Variants in RHOA observed in about 807,000 individuals in gnomAD.
RHOA encodes the protein transforming protein RhoA.
Under a neutral mutation model 17.5 loss-of-function variants are expected in RHOA, and 3 were observed. The ratio of observed to expected loss-of-function variants is 0.17; its 90% confidence interval spans 0.08 to 0.44. The LOEUF (loss-of-function observed/expected upper bound fraction) is 0.44. Among genes scored for constraint, RHOA ranks in the 20% least tolerant of loss-of-function variants. The probability of loss-of-function intolerance (pLI) is 0.99; values close to 1 mark genes in which losing one functional copy is unlikely to be tolerated. For missense variants in RHOA, 56 were observed against 242.3 expected (o/e 0.23, Z 5.10); for synonymous variants, 98 against 88.4 (o/e 1.11, Z -0.61).
chr3:49,376,562 G>A (rs980691128), intron 1 of RHOA, among the ~76,000 whole-genome samples: 3 of 145,634 alleles, frequency 2.1e-5, no homozygotes, highest in Non-Finnish European at 4.5e-5. Flanking sequence ...AGAATGGCGT[G>A]AACCCAGGAG....
intron 1 of RHOA, among the ~76,000 whole-genome samples, chr3:49,390,091 C>G (rs538439941): frequency 6.6e-6 from 1 of 152,078 alleles, no homozygotes; most frequent in East Asian, 1.9e-4. Context: ...CTATAATACC[C>G]ACAGACTGTG....
At chr3:49,393,905 C>CT (rs2048568405) in intron 1 of RHOA, among the ~76,000 whole-genome samples, 1 of 149,750 alleles carries the variant, frequency 6.7e-6, no homozygotes, top group South Asian at 2.1e-4. Context: ...GGAGTCTCCT[C>CT]TGTTGCCCAG....
At chr3:49,398,720 G>A (rs2048661693) in intron 1 of RHOA, among the ~76,000 whole-genome samples, 1 of 150,700 alleles carries the variant, frequency 6.6e-6, no homozygotes, top group Non-Finnish European at 1.5e-5. Flanking sequence ...GGCACCTGTA[G>A]TCCTAGCTAC....
chr3:49,360,467 A>T, intron 4 of RHOA, 85 bp from the exon 5 acceptor site: 1 of 1,419,668 alleles, frequency 7.0e-7, no homozygotes, highest in Non-Finnish European at 9.4e-7. Context: ...CATCTAAAAG[A>T]TTTTTTTTTC....
chr3:49,390,607 G>C (rs1049737211), intron 1 of RHOA, among the ~76,000 whole-genome samples: 1 of 152,132 alleles, frequency 6.6e-6, no homozygotes, highest in African/African-American at 2.4e-5. Context: ...ATGCTAGCCA[G>C]TTTGAACCAG....
chr3:49,401,643 A>G (rs898461830), intron 1 of RHOA, among the ~76,000 whole-genome samples: 3 of 152,052 alleles, frequency 2.0e-5, no homozygotes, highest in Non-Finnish European at 4.4e-5. Flanking sequence ...GAAATTCCTG[A>G]TGAAAGGGCC....
chr3:49,408,253 T>TATATATACGTATACACGTATATGTACAC (rs2048871435), intron 1 of RHOA, among the ~76,000 whole-genome samples: 1 of 120,546 alleles, frequency 8.3e-6, no homozygotes, highest in African/African-American at 2.7e-5. Flanking sequence ...TATGTACACA[T>TATATATACGTATACACGTATATGTACAC]ATATATACGT....
intron 1 of RHOA, among the ~76,000 whole-genome samples, chr3:49,387,347 G>A (rs1419522933): frequency 6.6e-6 from 1 of 151,148 alleles, no homozygotes; most frequent in Admixed American, 6.6e-5. Flanking sequence ...GGGAGGCTGA[G>A]GCAGGAAAAT....
At chr3:49,381,414 A>C (rs1406449932) in intron 1 of RHOA, among the ~76,000 whole-genome samples, 1 of 151,918 alleles carries the variant, frequency 6.6e-6, no homozygotes, top group Non-Finnish European at 1.5e-5. Flanking sequence ...TCAAAAAAAA[A>C]AAAAAAGTTA....
chr3:49,394,258 C>T (rs764663415), intron 1 of RHOA, among the ~76,000 whole-genome samples: 1 of 152,168 alleles, frequency 6.6e-6, no homozygotes, highest in Non-Finnish European at 1.5e-5. Context: ...CCTGCCTCAG[C>T]CTCCCGAAGT....
At chr3:49,408,118 T>A (rs1175636981) in intron 1 of RHOA, among the ~76,000 whole-genome samples, 1 of 151,106 alleles carries the variant, frequency 6.6e-6, no homozygotes, top group Non-Finnish European at 1.5e-5. Context: ...GAGATGGCGC[T>A]ACTGCACTCT....
intron 2 of RHOA, among the ~76,000 whole-genome samples, chr3:49,370,387 G>A (rs2048130694): frequency 6.6e-6 from 1 of 152,186 alleles, no homozygotes; most frequent in South Asian, 2.1e-4. Flanking sequence ...GCAGACAGGA[G>A]GGAAGAAATC....
chr3:49,395,809 T>G (rs2048605991), intron 1 of RHOA, among the ~76,000 whole-genome samples: 2 of 152,044 alleles, frequency 1.3e-5, no homozygotes. Context: ...GGCAAGGGTA[T>G]GAGGGTGCCC....
At chr3:49,380,067 C>A (rs2048292596) in intron 1 of RHOA, among the ~76,000 whole-genome samples, 1 of 152,164 alleles carries the variant, frequency 6.6e-6, no homozygotes, top group Non-Finnish European at 1.5e-5. Flanking sequence ...GAGACATGGC[C>A]ATGTACCATG....
intron 1 of RHOA, among the ~76,000 whole-genome samples, chr3:49,409,745 T>G (rs939542674): frequency 6.6e-6 from 1 of 152,222 alleles, no homozygotes; most frequent in Admixed American, 6.6e-5. Flanking sequence ...TAAAAAGCAG[T>G]TAACTGACAA....
At position 49,362,508 on chromosome 3, in the gene RHOA, G is replaced by C. The variant is rs2047988599; in HGVS notation, c.396C>G (p.Ala132=). 1 of 1,611,538 alleles carries C rather than the reference G, an allele frequency of 6.2e-7. No homozygotes were observed. The highest frequency in any genetic ancestry group is 8.5e-7 in the Non-Finnish European group (1 of 1,178,732). Residue 132 remains alanine, a synonymous_variant, in exon 4 of 5, where the codon GCC becomes GCG. Coordinates refer to ENST00000418115, the MANE Select transcript of RHOA (RefSeq NM_001664.4). The part of the protein sequence containing the change: ...RNDEHTRREL[A]KMKQEPVKPE... ...CCCCAGATCATGCCTGCTTCATCTT[G>C]GCTAGCTCCCGCCTTGTGTGCTCAT... is the stretch of plus-strand genomic sequence containing the variant.
intron 3 of RHOA, chr3:49,366,997 G>A (rs2048066643): frequency 6.6e-6 from 1 of 151,918 alleles, no homozygotes; most frequent in Non-Finnish European, 1.5e-5. Flanking sequence ...GTTTTTTCAA[G>A]CCTGGTTTCA....
intron 1 of RHOA, among the ~76,000 whole-genome samples, chr3:49,398,507 T>C (rs554057532): frequency 5.3e-5 from 8 of 151,816 alleles, no homozygotes; most frequent in Admixed American, 2.6e-4. Flanking sequence ...CATCAATAGA[T>C]GTTAAGCCCC....
intron 4 of RHOA, among the ~76,000 whole-genome samples, chr3:49,362,186 C>CA (rs1158970581): frequency 4.6e-5 from 7 of 151,830 alleles, no homozygotes; most frequent in East Asian, 3.9e-4. Context: ...GACTCCATAT[C>CA]AAAAAAAAGA....
Sources: allele counts gnomAD v4.1 joint callset (sites outside exome capture counted in the v4.1 genomes callset), GRCh38; gene constraint gnomAD v4.1.1; transcripts MANE v1.5; gene names NCBI Gene and HGNC (gene_info 2026-07-23, HGNC 2026-07-21).